Variants in KHDRBS2 observed in about 807,000 individuals in gnomAD.
KHDRBS2 encodes the protein KH domain-containing, RNA-binding, signal transduction-associated protein 2.
In KHDRBS2, 26 loss-of-function variants were observed where a neutral mutation model predicts 44.3. That is an observed-to-expected ratio of 0.59 (90% confidence interval 0.43 to 0.81). The LOEUF (loss-of-function observed/expected upper bound fraction) is 0.81. Among genes scored for constraint, KHDRBS2 ranks in the 40% least tolerant of loss-of-function variants. The probability of loss-of-function intolerance (pLI) is 0.00; values close to 1 mark genes in which losing one functional copy is unlikely to be tolerated. For synonymous variants in KHDRBS2, 194 were observed against 151.1 expected, an observed-to-expected ratio of 1.28 and a Z score of -2.08; for missense variants, 476 against 433.1, an observed-to-expected ratio of 1.10 and a Z score of -0.88.
intron 2 of KHDRBS2, among the ~76,000 whole-genome samples, chr6:62,049,139 G>A (rs1277018515): frequency 2.0e-5 from 3 of 151,754 alleles, no homozygotes; most frequent in Non-Finnish European, 4.4e-5. Flanking sequence ...ATGGATTGTT[G>A]TACGTATAGG....
intron 4 of KHDRBS2, among the ~76,000 whole-genome samples, chr6:61,946,170 T>A (rs758673902): frequency 6.6e-6 from 1 of 152,204 alleles, no homozygotes; most frequent in Non-Finnish European, 1.5e-5. Context: ...CTCCTCTACA[T>A]CTGAAACAAC....
chr6:62,156,429 T>A (rs957496233), intron 2 of KHDRBS2, among the ~76,000 whole-genome samples: 1 of 152,136 alleles, frequency 6.6e-6, no homozygotes, highest in Non-Finnish European at 1.5e-5. Context: ...AAAAGCAAGA[T>A]GAAGTAATGG....
chr6:62,130,782 C>G (rs1810112857), intron 2 of KHDRBS2, among the ~76,000 whole-genome samples: 1 of 151,706 alleles, frequency 6.6e-6, no homozygotes, highest in Admixed American at 6.6e-5. Flanking sequence ...TACAGTTGGT[C>G]AAAAATGATC....
chr6:61,985,655 T>C (rs1774924928), intron 3 of KHDRBS2, among the ~76,000 whole-genome samples: 2 of 152,180 alleles, frequency 1.3e-5, no homozygotes, highest in Admixed American at 6.6e-5. Flanking sequence ...CCTCGTTATA[T>C]GTAAAAATTT....
At chr6:61,677,332 T>C (rs1766001251), downstream of KHDRBS2, among the ~76,000 whole-genome samples, 2 of 151,924 alleles carry the variant, frequency 1.3e-5, no homozygotes, top group African/African-American at 4.8e-5. Flanking sequence ...AGATTCTTTT[T>C]CCTCTTGCTT....
intron 2 of KHDRBS2, among the ~76,000 whole-genome samples, chr6:62,097,246 T>G (rs1331326008): frequency 6.6e-6 from 1 of 151,982 alleles, no homozygotes; most frequent in Non-Finnish European, 1.5e-5. Flanking sequence ...TTAGGTTCAC[T>G]TGGTCTAGGG....
the KHDRBS2 span, among the ~76,000 whole-genome samples, chr6:61,548,766 G>T: frequency 6.6e-6 from 1 of 151,978 alleles, no homozygotes; most frequent in Non-Finnish European, 1.5e-5. Context: ...CCACAGATAA[G>T]TTCTGGTTGA....
intron 2 of KHDRBS2, among the ~76,000 whole-genome samples, chr6:62,161,880 T>C (rs532656819): frequency 3.3e-5 from 5 of 152,194 alleles, no homozygotes; most frequent in African/African-American, 1.2e-4. Context: ...ACCAACTTAA[T>C]TTCAGTGACA....
chr6:61,622,799 G>A, the KHDRBS2 span, among the ~76,000 whole-genome samples: 3 of 152,126 alleles, frequency 2.0e-5, no homozygotes, highest in Admixed American at 6.5e-5. Context: ...GGTCAAGAAT[G>A]AGAATATGAT....
intron 8 of KHDRBS2, among the ~76,000 whole-genome samples, chr6:61,689,673 C>T (rs1007449469): frequency 2.0e-5 from 3 of 151,988 alleles, no homozygotes; most frequent in Non-Finnish European, 2.9e-5. Flanking sequence ...CATGAGGGAG[C>T]TTCTACTGGG....
chr6:61,706,214 C>T (rs1207019836), intron 7 of KHDRBS2, among the ~76,000 whole-genome samples: 4 of 151,778 alleles, frequency 2.6e-5, no homozygotes, highest in Non-Finnish European at 5.9e-5. Context: ...ACTTCGGGAC[C>T]CTCATGCGAT....
intron 4 of KHDRBS2, among the ~76,000 whole-genome samples, chr6:61,968,119 T>G (rs1192886693): frequency 6.6e-6 from 1 of 151,900 alleles, no homozygotes; most frequent in Admixed American, 6.6e-5. Flanking sequence ...GTATTTTCTT[T>G]TATTCCTGAG....
intron 3 of KHDRBS2, among the ~76,000 whole-genome samples, chr6:62,024,471 TAA>T (rs1253215507): frequency 6.6e-6 from 1 of 151,590 alleles, no homozygotes; most frequent in Non-Finnish European, 1.5e-5. Flanking sequence ...CATAAATTAC[TAA>T]AGTTTTGTCA....
At chr6:61,576,594 A>G in the KHDRBS2 span, among the ~76,000 whole-genome samples, 1 of 152,126 alleles carries the variant, frequency 6.6e-6, no homozygotes, top group Non-Finnish European at 1.5e-5. Flanking sequence ...TTTGTTCACA[A>G]ATTTATTTAG....
At position 61,848,563 on chromosome 6, in the gene KHDRBS2, G is replaced by GTATATATATACATA. The variant is rs1562295318; in HGVS notation, c.810+46071_810+46072insTATGTATATATATA. Among the ~76,000 whole-genome samples the GTATATATATACATA allele has an allele frequency of 2.7e-3, 60 of 22,132 alleles. 3 individuals are homozygous for GTATATATATACATA. The highest frequency in any genetic ancestry group is 3.3e-3 in the South Asian group (2 of 598). 14.5% of individuals were successfully genotyped at this position (22,132 alleles called of 152,430 possible). A position where few individuals can be genotyped will look rare whatever the true frequency, so the allele number is the denominator to read the frequency against. On this transcript the variant is annotated intron_variant, in intron 6 of 8. Transcript: ENST00000281156. The stretch of plus-strand genomic sequence containing the variant: ...TATGTATATATATACATATATATAT[G>GTATATATATACATA]TATATATATATACATATATATATAT...
At chr6:61,869,964 G>GTTTTTTTTTTTTTTTTTT (rs59518436) in intron 6 of KHDRBS2, among the ~76,000 whole-genome samples, 10 of 109,020 alleles carry the variant, frequency 9.2e-5, no homozygotes, top group African/African-American at 3.8e-4. Context: ...CTGCAGGAGT[G>GTTTTTTTTTTTTTTTTTT]TTTTTTTTTT....
chr6:61,612,140 AT>A, the KHDRBS2 span, among the ~76,000 whole-genome samples: 89,828 of 151,884 alleles, frequency 0.59, 26,764 homozygotes, highest in Non-Finnish European at 0.61. Flanking sequence ...TTCCTATGTA[AT>A]TTTTTTTCAA....
chr6:61,662,551 AG>A, the KHDRBS2 span, among the ~76,000 whole-genome samples: 1 of 152,180 alleles, frequency 6.6e-6, no homozygotes, highest in African/African-American at 2.4e-5. Flanking sequence ...CAAATTTACA[AG>A]AAAAAAAACA....
chr6:61,773,466 T>C (rs1781356057), intron 6 of KHDRBS2, among the ~76,000 whole-genome samples: 1 of 152,176 alleles, frequency 6.6e-6, no homozygotes, highest in South Asian at 2.1e-4. Context: ...GTTCATATCC[T>C]TTGCCCACTT....
Sources: gnomAD v4.1 joint callset for allele counts (sites outside exome capture counted in the v4.1 genomes callset) on GRCh38, gnomAD v4.1.1 for gene constraint, MANE v1.5 for transcripts, NCBI Gene and HGNC (gene_info 2026-07-23, HGNC 2026-07-21) for gene names.